Variants in CNTN5 observed in about 807,000 individuals in gnomAD.
The protein encoded by CNTN5 is contactin 5.
A neutral mutation model predicts 129.1 loss-of-function variants in CNTN5; 77 were observed. That is an observed-to-expected ratio of 0.60 (90% CI 0.50 to 0.72). The LOEUF (loss-of-function observed/expected upper bound fraction) is 0.72. Among genes scored for constraint, CNTN5 ranks in the 30% least tolerant of loss-of-function variants. CNTN5 has a pLI of 0.00. For synonymous variants in CNTN5, 509 were observed against 465.6 expected (o/e 1.09, Z -1.20); for missense variants, 1,478 against 1,328.8 (o/e 1.11, Z -1.75).
chr11:99,897,748 A>G (rs529286642), intron 6 of CNTN5, among the ~76,000 whole-genome samples: 1 of 152,306 alleles, frequency 6.6e-6, no homozygotes, highest in East Asian at 1.9e-4. Context: ...TAAAACTCCA[A>G]AACAACTAGC....
At chr11:100,095,196 C>A (rs1448169939) in intron 13 of CNTN5, among the ~76,000 whole-genome samples, 1 of 152,100 alleles carries the variant, frequency 6.6e-6, no homozygotes, top group Middle Eastern at 3.4e-3. Flanking sequence ...TTTTTTTCTG[C>A]AATTACAAAG....
intron 3 of CNTN5, among the ~76,000 whole-genome samples, chr11:99,725,717 C>T (rs1227188145): frequency 2.0e-5 from 3 of 152,178 alleles, no homozygotes; most frequent in Non-Finnish European, 4.4e-5. Context: ...AGTGTATCTG[C>T]ATGTCCTTCA....
At chr11:99,711,390 T>C (rs1954981532) in intron 3 of CNTN5, among the ~76,000 whole-genome samples, 1 of 151,952 alleles carries the variant, frequency 6.6e-6, no homozygotes, top group African/African-American at 2.4e-5. Context: ...TTACTTAGAA[T>C]TTAGCAAAAG....
intron 3 of CNTN5, among the ~76,000 whole-genome samples, chr11:99,719,862 A>G (rs1364706824): frequency 6.6e-6 from 1 of 152,160 alleles, no homozygotes; most frequent in Non-Finnish European, 1.5e-5. Context: ...TACTGACCCT[A>G]CAGAAATAAA....
chr11:99,553,496 A>G (rs1473203379), intron 2 of CNTN5, among the ~76,000 whole-genome samples: 3 of 152,070 alleles, frequency 2.0e-5, no homozygotes, highest in East Asian at 1.9e-4. Flanking sequence ...AAAAGTTTAC[A>G]TATTTCAGAA....
intron 3 of CNTN5, among the ~76,000 whole-genome samples, chr11:99,620,430 A>T (rs1950905829): frequency 6.7e-6 from 1 of 150,058 alleles, no homozygotes; most frequent in East Asian, 2.0e-4. Context: ...TATGTCTTTC[A>T]TTTGACATTT....
chr11:99,459,207 G>A (rs1944601378), intron 2 of CNTN5, among the ~76,000 whole-genome samples: 1 of 151,940 alleles, frequency 6.6e-6, no homozygotes, highest in African/African-American at 2.4e-5. Flanking sequence ...GAAATGAGCT[G>A]ATGGCAAAGA....
chr11:99,613,605 C>T (rs1254956802), intron 3 of CNTN5, among the ~76,000 whole-genome samples: 1 of 151,934 alleles, frequency 6.6e-6, no homozygotes, highest in Non-Finnish European at 1.5e-5. Flanking sequence ...GAAAAAGTAC[C>T]GATAATATGC....
chr11:99,949,183 A>G (rs1313060087), intron 7 of CNTN5, among the ~76,000 whole-genome samples: 1 of 152,038 alleles, frequency 6.6e-6, no homozygotes, highest in African/African-American at 2.4e-5. Context: ...AGTCCTCTTC[A>G]CTGACTCTAT....
At chr11:99,351,797 CTT>C (rs1248037224) in intron 2 of CNTN5, among the ~76,000 whole-genome samples, 1 of 152,156 alleles carries the variant, frequency 6.6e-6, no homozygotes, top group Non-Finnish European at 1.5e-5. Flanking sequence ...TTACAACCAT[CTT>C]TTTTGTTCTC....
chr11:99,506,769 T>G (rs1312051554), intron 2 of CNTN5, among the ~76,000 whole-genome samples: 1 of 152,176 alleles, frequency 6.6e-6, no homozygotes, highest in Admixed American at 6.5e-5. Flanking sequence ...TGTAGGAATA[T>G]ATTTCAAGAA....
chr11:99,373,406 C>T (rs1939950713), intron 2 of CNTN5, among the ~76,000 whole-genome samples: 1 of 151,800 alleles, frequency 6.6e-6, no homozygotes, highest in African/African-American at 2.4e-5. Flanking sequence ...TCATGTTTCC[C>T]CATTTTTATT....
At chr11:99,825,345 T>C (rs999106110) in intron 4 of CNTN5, among the ~76,000 whole-genome samples, 41 of 152,176 alleles carry the variant, frequency 2.7e-4, no homozygotes, top group African/African-American at 9.1e-4. Context: ...ATAGTGATTA[T>C]CACTAATGAA....
chr11:99,385,964 A>G (rs1167371790), intron 2 of CNTN5, among the ~76,000 whole-genome samples: 1 of 152,222 alleles, frequency 6.6e-6, no homozygotes, highest in Non-Finnish European at 1.5e-5. Flanking sequence ...AAAGACTTAG[A>G]GAAATTTATG....
At chr11:99,952,520 A>G (rs1042599127) in intron 7 of CNTN5, among the ~76,000 whole-genome samples, 4 of 152,154 alleles carry the variant, frequency 2.6e-5, no homozygotes, top group Non-Finnish European at 5.9e-5. Context: ...TTAAAAAACA[A>G]ACTAAAAGTT....
At chr11:99,579,305 C>T (rs1458259694) in intron 3 of CNTN5, among the ~76,000 whole-genome samples, 110 of 150,508 alleles carry the variant, frequency 7.3e-4, no homozygotes, top group Middle Eastern at 6.9e-3. Flanking sequence ...ATTGACTTGG[C>T]GATGTGGGCT....
rs1444286449 is a variant in CNTN5, at chr11:100,297,670, G to A, written c.2360G>A (p.Arg787Lys). The change falls in exon 19 of 25, where the codon AGG becomes AAG. Residue 787 changes from arginine to lysine, a missense_variant. Arg to Lys is a conservative substitution (Grantham distance 26). Transcript: ENST00000524871. ...PTNVSGRSGRRHELVIAWEPV... is the reference protein window; with the variant it reads ...PTNVSGRSGRKHELVIAWEPV... ...AATGTAAGCGGAAGAAGTGGAAGAAGGCATGAGTTAGTCATTGCCTGGGAG... is the reference window on the plus strand; with the variant it reads ...AATGTAAGCGGAAGAAGTGGAAGAAAGCATGAGTTAGTCATTGCCTGGGAG... 2 of 1,604,824 alleles carry A rather than the reference G, an allele frequency of 1.2e-6. No individual in the cohort carries two copies. The highest frequency in any genetic ancestry group is 1.7e-6 in the Non-Finnish European group (2 of 1,174,710).
chr11:99,211,306 T>G (rs966471), intron 1 of CNTN5, among the ~76,000 whole-genome samples: 2 of 152,126 alleles, frequency 1.3e-5, no homozygotes, highest in African/African-American at 2.4e-5. Context: ...ATAGATTTTT[T>G]GGGGGGTTTG....
intron 9 of CNTN5, among the ~76,000 whole-genome samples, chr11:100,040,964 G>A (rs1025725823): frequency 3.9e-5 from 6 of 152,090 alleles, no homozygotes; most frequent in African/African-American, 7.2e-5. Flanking sequence ...GCTCATGCAC[G>A]GTGCACTGCA....
Sources: gnomAD v4.1 joint callset for allele counts (sites outside exome capture counted in the v4.1 genomes callset) on GRCh38, gnomAD v4.1.1 for gene constraint, MANE v1.5 for transcripts, NCBI Gene and HGNC (gene_info 2026-07-23, HGNC 2026-07-21) for gene names.